Variants in USP12 observed in about 807,000 individuals in gnomAD.
The protein encoded by USP12 is ubiquitin carboxyl-terminal hydrolase 12.
USP12 carries 19 observed loss-of-function variants against 45.5 expected under a neutral mutation model. The ratio of observed to expected loss-of-function variants is 0.42; its 90% CI spans 0.29 to 0.61. USP12 has a LOEUF of 0.61. Ranked by LOEUF, USP12 falls within the 20% of genes least tolerant of loss-of-function variation. USP12 has a pLI of 0.22. For synonymous variants in USP12, 149 were observed against 148.8 expected (o/e 1.00, Z -0.01); for missense variants, 242 against 447.7 (o/e 0.54, Z 4.15).
chr13:27,118,171 C>G (rs1476408214), intron 1 of USP12, among the ~76,000 whole-genome samples: 3 of 151,746 alleles, frequency 2.0e-5, no homozygotes, highest in African/African-American at 7.3e-5. Context: ...GCATGAGACT[C>G]CTAAATCTGG....
intron 2 of USP12, among the ~76,000 whole-genome samples, chr13:27,114,458 T>TC (rs1406282326): frequency 2.6e-5 from 4 of 152,148 alleles, no homozygotes; most frequent in African/African-American, 9.7e-5. Flanking sequence ...AAGGCTCCTT[T>TC]CCCCATCCAA....
intron 6 of USP12, among the ~76,000 whole-genome samples, chr13:27,087,543 A>G (rs1232434819): frequency 6.6e-6 from 1 of 152,238 alleles, no homozygotes; most frequent in African/African-American, 2.4e-5. Flanking sequence ...GTGTGTATTT[A>G]TAAATACTCA....
intron 1 of USP12, among the ~76,000 whole-genome samples, chr13:27,146,425 C>T (rs7337844): frequency 0.55 from 83,298 of 151,796 alleles, 23,818 homozygotes; most frequent in East Asian, 0.82. Context: ...TATGTAATAA[C>T]GCACACGGCT....
At chr13:27,136,393 G>A (rs1876805935) in intron 1 of USP12, among the ~76,000 whole-genome samples, 2 of 152,178 alleles carry the variant, frequency 1.3e-5, no homozygotes, top group Non-Finnish European at 2.9e-5. Flanking sequence ...AGCTACTCAG[G>A]AGGCTGAAGC....
intron 1 of USP12, among the ~76,000 whole-genome samples, chr13:27,136,318 C>G (rs1028474467): frequency 6.6e-6 from 1 of 151,976 alleles, no homozygotes; most frequent in South Asian, 2.1e-4. Flanking sequence ...GCCAACATGG[C>G]GAAACCCCAT....
intron 3 of USP12, among the ~76,000 whole-genome samples, chr13:27,099,572 T>C (rs1874768038): frequency 6.6e-6 from 1 of 152,162 alleles, no homozygotes; most frequent in African/African-American, 2.4e-5. Context: ...ACCCACTAAG[T>C]CTCCTTTCCT....
intron 3 of USP12, among the ~76,000 whole-genome samples, chr13:27,101,548 C>T (rs1168176763): frequency 1.3e-5 from 2 of 152,108 alleles, no homozygotes; most frequent in Non-Finnish European, 2.9e-5. Flanking sequence ...AATGGGTTCC[C>T]TCCGTCATGG....
chr13:27,103,607 A>AAATAATAATAATAAT (rs1555234498), intron 3 of USP12, among the ~76,000 whole-genome samples: 8 of 128,510 alleles, frequency 6.2e-5, no homozygotes, highest in South Asian at 2.7e-4. Context: ...TCAAAAAAAA[A>AAATAATAATAATAAT]AATAATAATA....
intron 3 of USP12, among the ~76,000 whole-genome samples, chr13:27,097,713 G>T (rs1048157478): frequency 6.6e-6 from 1 of 152,102 alleles, no homozygotes; most frequent in Non-Finnish European, 1.5e-5. Flanking sequence ...CACAAGGCTG[G>T]GAGGAAGATT....
chr13:27,120,953 A>C (rs1875954939), intron 1 of USP12, among the ~76,000 whole-genome samples: 1 of 152,202 alleles, frequency 6.6e-6, no homozygotes, highest in African/African-American at 2.4e-5. Context: ...GCAAACACCA[A>C]AGACTTCCCA....
intron 1 of USP12, among the ~76,000 whole-genome samples, chr13:27,149,587 A>G (rs1877479150): frequency 6.6e-6 from 1 of 152,204 alleles, no homozygotes; most frequent in Non-Finnish European, 1.5e-5. Flanking sequence ...AAAACTATGG[A>G]GTAGAATAGT....
chr13:27,098,712 G>C (rs1219558904), intron 3 of USP12, among the ~76,000 whole-genome samples: 1 of 152,160 alleles, frequency 6.6e-6, no homozygotes, highest in Non-Finnish European at 1.5e-5. Flanking sequence ...ATCTGTGCAT[G>C]TACCAAAACA....
chr13:27,124,737 T>C (rs1277563829), intron 1 of USP12, among the ~76,000 whole-genome samples: 5 of 152,096 alleles, frequency 3.3e-5, no homozygotes, highest in African/African-American at 1.2e-4. Flanking sequence ...AAGAAGTGAA[T>C]GTGAGCTGTA....
chr13:27,076,111 A>G (rs1358634919), intron 6 of USP12, among the ~76,000 whole-genome samples: 1 of 152,046 alleles, frequency 6.6e-6, no homozygotes, highest in East Asian at 1.9e-4. Context: ...GTAGACTGAA[A>G]TCTATTTTTT....
intron 1 of USP12, among the ~76,000 whole-genome samples, chr13:27,136,174 A>T (rs996346189): frequency 6.6e-6 from 1 of 152,178 alleles, no homozygotes; most frequent in Non-Finnish European, 1.5e-5. Flanking sequence ...AAGGCTCCTA[A>T]GTCCAAGTCT....
chr13:27,124,196 AAACT>A (rs1876121439), intron 1 of USP12, among the ~76,000 whole-genome samples: 1 of 152,360 alleles, frequency 6.6e-6, no homozygotes, highest in South Asian at 2.1e-4. Context: ...ACACAAAAGT[AAACT>A]AACAACCAGG....
intron 1 of USP12, among the ~76,000 whole-genome samples, chr13:27,166,980 A>G (rs1019678882): frequency 3.3e-5 from 5 of 152,212 alleles, no homozygotes; most frequent in African/African-American, 4.8e-5. Flanking sequence ...ATAACATGAT[A>G]ATCATTCGTG....
intron 4 of USP12, among the ~76,000 whole-genome samples, chr13:27,092,164 G>A (rs181596979): frequency 5.9e-5 from 9 of 152,212 alleles, no homozygotes; most frequent in South Asian, 4.1e-4. Context: ...AACAAAACAC[G>A]CATGGTATTG....
At chr13:27,100,721 G>A (rs1287157824) in intron 3 of USP12, among the ~76,000 whole-genome samples, 1 of 152,188 alleles carries the variant, frequency 6.6e-6, no homozygotes, top group Non-Finnish European at 1.5e-5. Flanking sequence ...GCAAGGAGTG[G>A]AAGATAATTA....
Sources: gnomAD v4.1 joint callset for allele counts (sites outside exome capture counted in the v4.1 genomes callset) on GRCh38, gnomAD v4.1.1 for gene constraint, MANE v1.5 for transcripts, NCBI Gene and HGNC (gene_info 2026-07-23, HGNC 2026-07-21) for gene names.